LEPR: variants seen among roughly 807,000 people sequenced by gnomAD.
LEPR encodes the protein OB receptor.
In LEPR, 56 loss-of-function variants were observed where a neutral mutation model predicts 114.7. The observed-to-expected ratio is 0.49, with a 90% CI of 0.39 to 0.61. The LOEUF (loss-of-function observed/expected upper bound fraction) is 0.61. LEPR is among the 20% of genes least tolerant of loss of function. The pLI is 0.00. For missense variants in LEPR, 1,202 were observed against 1,352.9 expected (o/e 0.89, Z 1.75); for synonymous variants, 443 against 461.4 (o/e 0.96, Z 0.51).
chr1:65,506,025 T>C (rs1274555711), intron 2 of LEPR, among the ~76,000 whole-genome samples: 1 of 152,218 alleles, frequency 6.6e-6, no homozygotes, highest in Non-Finnish European at 1.5e-5. Flanking sequence ...TAAGGCCTTA[T>C]TTGGCAAAAG....
intron 2 of LEPR, among the ~76,000 whole-genome samples, chr1:65,506,563 A>G (rs1488234690): frequency 4.6e-5 from 7 of 152,240 alleles, no homozygotes; most frequent in Non-Finnish European, 1.5e-5. Context: ...TGTTAACTTT[A>G]TACTAGTCTA....
At chr1:65,502,848 T>TG (rs780821754) in intron 2 of LEPR, among the ~76,000 whole-genome samples, 6 of 130,672 alleles carry the variant, frequency 4.6e-5, no homozygotes, top group Non-Finnish European at 8.2e-5. Context: ...GTATAGAGCC[T>TG]GGGGGGAGAG....
At chr1:65,445,616 T>G (rs1646704027) in intron 2 of LEPR, among the ~76,000 whole-genome samples, 2 of 152,270 alleles carry the variant, frequency 1.3e-5, no homozygotes, top group Admixed American at 1.3e-4. Context: ...GAGCTTTTGG[T>G]GATTACTTTA....
chr1:65,519,949 C>T (rs1393312824), intron 2 of LEPR, among the ~76,000 whole-genome samples: 1 of 152,082 alleles, frequency 6.6e-6, no homozygotes, highest in African/African-American at 2.4e-5. Context: ...CTGCAACCTC[C>T]ACCTCCTGGG....
chr1:65,583,372 G>A (rs145249771), intron 5 of LEPR, among the ~76,000 whole-genome samples: 2 of 152,286 alleles, frequency 1.3e-5, no homozygotes, highest in East Asian at 1.9e-4. Context: ...TAAGAGAACA[G>A]TTATCAGGGA....
At chr1:65,509,610 T>C (rs941499866) in intron 2 of LEPR, among the ~76,000 whole-genome samples, 6 of 152,196 alleles carry the variant, frequency 3.9e-5, no homozygotes, top group Non-Finnish European at 7.3e-5. Flanking sequence ...TATCACAGTT[T>C]AGTCTCCTTG....
chr1:65,533,505 T>A (rs780368670), intron 2 of LEPR, among the ~76,000 whole-genome samples: 1 of 152,174 alleles, frequency 6.6e-6, no homozygotes, highest in Non-Finnish European at 1.5e-5. Context: ...TTTTCCCTTC[T>A]ACTTTCTTTG....
chr1:65,504,073 T>A (rs1455356387), intron 2 of LEPR, among the ~76,000 whole-genome samples: 1 of 152,114 alleles, frequency 6.6e-6, no homozygotes, highest in Admixed American at 6.6e-5. Flanking sequence ...AAGCAGTTCC[T>A]AATGGCCTAC....
At chr1:65,519,024 T>C (rs2100575786) in intron 2 of LEPR, among the ~76,000 whole-genome samples, 1 of 151,040 alleles carries the variant, frequency 6.6e-6, no homozygotes, top group East Asian at 1.9e-4. Flanking sequence ...TCTTTCTTTC[T>C]CTTTCTTCTT....
chr1:65,535,276 C>T (rs1331058629), intron 2 of LEPR, among the ~76,000 whole-genome samples: 1 of 149,834 alleles, frequency 6.7e-6, no homozygotes, highest in Non-Finnish European at 1.5e-5. Flanking sequence ...TCATATTAGA[C>T]CTATCCAGGA....
rs777944354 is a variant in LEPR, at chr1:65,601,879, A to G, written c.1322A>G (p.Tyr441Cys). ...AATATCTCATGTGAAACTGATGGGT[A>G]CTTAACTAAAATGACTTGCAGATGG... ...NINISCETDG[Y>C]LTKMTCRWST... Residue 441 changes from tyrosine to cysteine, a missense_variant, in exon 10 of 20, where the codon TAC becomes TGC. By Grantham distance (194) the Tyr-to-Cys change is radical (BLOSUM62 -2). Transcript: ENST00000349533. 2.5e-6 allele frequency: 4 copies of G among 1,613,680 alleles called. No homozygotes were observed. Among genetic ancestry groups the G allele is most frequent in the African/African-American group, 2.7e-5 (2 of 75,022 alleles).
At chr1:65,431,155 T>A (rs1646476800) in intron 2 of LEPR, among the ~76,000 whole-genome samples, 1 of 152,226 alleles carries the variant, frequency 6.6e-6, no homozygotes, top group Non-Finnish European at 1.5e-5. Flanking sequence ...GACTTTATTT[T>A]TCTTGTGCTT....
chr1:65,616,130 A>G lies in LEPR; in HGVS notation c.2118A>G (p.Thr706=), dbSNP rs1276059235. ...GNHTKFTFLW[T]EQAHTVTVLA... ...ACACGAAATTCACTTTCCTGTGGAC[A>G]GAGCAAGCACATACTGTTACGGTTC... is the stretch of plus-strand genomic sequence containing the variant. Residue 706 remains threonine (T), a synonymous_variant, in exon 15 of 20, where the codon ACA becomes ACG. Transcript: ENST00000349533. The G allele has an allele frequency of 6.2e-7, 1 of 1,614,230 alleles. No homozygotes were observed. Among genetic ancestry groups the G allele is most frequent in the Admixed American group, 1.7e-5 (1 of 60,024 alleles).
chr1:65,630,916 C>T (rs1254449446), intron 19 of LEPR, among the ~76,000 whole-genome samples: 1 of 151,888 alleles, frequency 6.6e-6, no homozygotes, highest in Non-Finnish European at 1.5e-5. Flanking sequence ...TTCTTCTATT[C>T]CCTGAATTCT....
intron 2 of LEPR, among the ~76,000 whole-genome samples, chr1:65,479,921 A>AAAACAAAC (rs111435639): frequency 8.6e-5 from 13 of 151,918 alleles, no homozygotes; most frequent in South Asian, 8.3e-4. Context: ...AACAAGACAA[A>AAAACAAAC]AAACAAACAA....
intron 19 of LEPR, chr1:65,629,257 T>C (rs1324345249): frequency 3.0e-6 from 1 of 332,580 alleles, no homozygotes; most frequent in Non-Finnish European, 5.8e-6. Context: ...ATAAAAACAT[T>C]AGCACTCTTA....
rs368632843 is a variant in LEPR at position 65,498,770 on chromosome 1, G to A, written c.-20-66776G>A. Among the ~76,000 whole-genome samples, 90 of 151,960 alleles carry A rather than the reference G, an allele frequency of 5.9e-4. 1 individual carries two copies. In the South Asian group the frequency reaches 0.018, roughly 31 times the overall value. ...CATTGATCATTTCTTTAAATACCCA[G>A]GTATATGCTTGACTCCATAATATTT... On this transcript the variant is annotated intron_variant, in intron 2 of 19. Coordinates refer to ENST00000349533, the MANE Select transcript of LEPR (RefSeq NM_002303.6).
intron 19 of LEPR, among the ~76,000 whole-genome samples, chr1:65,629,862 C>G (rs1295214031): frequency 6.6e-6 from 1 of 152,120 alleles, no homozygotes; most frequent in Non-Finnish European, 1.5e-5. Context: ...TAGGCTTTCT[C>G]TAAAATTACT....
intron 2 of LEPR, among the ~76,000 whole-genome samples, chr1:65,487,081 A>G (rs1647527612): frequency 6.6e-6 from 1 of 152,184 alleles, no homozygotes; most frequent in Non-Finnish European, 1.5e-5. Context: ...AAACACCCAG[A>G]TCTTTTCACA....
Sources: allele counts gnomAD v4.1 joint callset (sites outside exome capture counted in the v4.1 genomes callset), GRCh38; gene constraint gnomAD v4.1.1; transcripts MANE v1.5; gene names NCBI Gene and HGNC (gene_info 2026-07-23, HGNC 2026-07-21).